The following ELP4 variants were observed in gnomAD, a reference collection of about 807,000 sequenced individuals.
The protein encoded by ELP4 is elongator acetyltransferase complex subunit 4, also known as elongator complex protein 4.
ELP4 carries 51 observed loss-of-function variants against 48.9 expected under a neutral mutation model. The observed-to-expected ratio is 1.04, with a 90% CI of 0.83 to 1.32. The LOEUF (loss-of-function observed/expected upper bound fraction) is 1.32, where lower values mean the gene tolerates loss of function less well. ELP4 is among the 40% of genes most tolerant of loss of function. The pLI, the probability that ELP4 is intolerant of heterozygous loss-of-function variation, is 0.00. For missense variants in ELP4, 519 were observed against 514.6 expected (o/e 1.01, Z -0.08); for synonymous variants, 210 against 189.2 (o/e 1.11, Z -0.90).
chr11:31,517,036 T>C (rs922426406), intron 1 of ELP4, among the ~76,000 whole-genome samples: 7 of 152,226 alleles, frequency 4.6e-5, no homozygotes, highest in African/African-American at 1.7e-4. Context: ...CATATTGTCA[T>C]GAAATTGATG....
chr11:31,597,011 G>A (rs1957680932), intron 4 of ELP4, among the ~76,000 whole-genome samples: 1 of 152,096 alleles, frequency 6.6e-6, no homozygotes, highest in Non-Finnish European at 1.5e-5. Context: ...TATTAGCTAG[G>A]ATGGGGGAAG....
At chr11:31,778,348 G>A (rs1043745452) in intron 9 of ELP4, among the ~76,000 whole-genome samples, 3 of 152,164 alleles carry the variant, frequency 2.0e-5, no homozygotes, top group South Asian at 2.1e-4. Context: ...GTAAGGAGCC[G>A]CAGTAGAGAG....
In ELP4 at chr11:31,741,591, T is replaced by A. The variant is rs188678223; in HGVS notation, c.1144-41802T>A. 1.2e-4 allele frequency among the ~76,000 whole-genome samples: 19 copies of A among 152,210 alleles called. No individual in the cohort carries two copies. In the East Asian group the frequency reaches 3.5e-3, roughly 28 times the overall value. On this transcript the variant is annotated intron_variant, in intron 9 of 9. Coordinates refer to ENST00000640961, the MANE Select transcript of ELP4 (RefSeq NM_019040.5). ...GACAGCAGCATCTGCAGTTCACCAA[T>A]ATCCACTGTTCTGCAGCCACCGCTG...
chr11:31,738,446 CAAA>C (rs1267671701), intron 9 of ELP4, among the ~76,000 whole-genome samples: 1 of 150,674 alleles, frequency 6.6e-6, no homozygotes, highest in Admixed American at 6.6e-5. Context: ...AAATAAAAAA[CAAA>C]AAAGCCAGGC....
At chr11:31,535,519 A>T (rs934509180) in intron 2 of ELP4, among the ~76,000 whole-genome samples, 2 of 151,916 alleles carry the variant, frequency 1.3e-5, no homozygotes, top group African/African-American at 4.8e-5. Flanking sequence ...ATTTTTTATT[A>T]TTTTTTGTAG....
chr11:31,670,946 A>G (rs1377557431), intron 9 of ELP4, among the ~76,000 whole-genome samples: 1 of 152,042 alleles, frequency 6.6e-6, no homozygotes, highest in African/African-American at 2.4e-5. Flanking sequence ...TATGTAATAT[A>G]ATGTGTTTAT....
At chr11:31,653,599 A>G (rs1044888989) in intron 9 of ELP4, 1 of 151,770 alleles carries the variant, frequency 6.6e-6, no homozygotes, top group Non-Finnish European at 1.5e-5. Flanking sequence ...CTTTATATCT[A>G]TCTAAGAATC....
rs908432285 is a variant in ELP4, at chr11:31,651,187, C to T, written c.1143+966C>T. 4.3e-4 allele frequency: 65 copies of T among 151,802 alleles called. 1 individual carries two copies. Among genetic ancestry groups the T allele is most frequent in the African/African-American group, 1.5e-3 (64 of 41,442 alleles). The allele number at this position is 151,802 out of a possible 1,614,324, so 9.4% of individuals were successfully genotyped here. A position where few individuals can be genotyped will look rare whatever the true frequency, so the allele number is the denominator to read the frequency against. On this transcript the variant is annotated intron_variant, in intron 9 of 9. Transcript: ENST00000640961. ...GACCCTCTGCCCTCTTTAAGCTGGC[C>T]ACTTGATAAGGTAACTTAATGGTTC...
chr11:31,657,371 A>T (rs1003902462), intron 9 of ELP4, among the ~76,000 whole-genome samples: 1 of 151,968 alleles, frequency 6.6e-6, no homozygotes, highest in African/African-American at 2.4e-5. Context: ...TACTGTTCGA[A>T]TTCTCAGTGT....
chr11:31,735,916 A>G (rs1168694397), intron 9 of ELP4, among the ~76,000 whole-genome samples: 1 of 152,186 alleles, frequency 6.6e-6, no homozygotes, highest in Non-Finnish European at 1.5e-5. Flanking sequence ...TAATTTATAG[A>G]TTCAATGCCA....
rs533829535 is a variant in ELP4, at chr11:31,720,338, G to A, written c.1144-63055G>A. Among the ~76,000 whole-genome samples, 7 of 151,768 alleles carry A rather than the reference G, an allele frequency of 4.6e-5. No homozygotes were observed. In the South Asian group the frequency reaches 6.3e-4, roughly 14 times the overall value. On this transcript the variant is annotated intron_variant, in intron 9 of 9. Transcript: ENST00000640961. The stretch of plus-strand genomic sequence containing the variant: ...TACTTTCCTTTGACCTCGACAATAT[G>A]TTCCCTGTTTACATTATTCATGGAA...
intron 7 of ELP4, 69 bp from the exon 8 acceptor site, chr11:31,647,672 G>T (rs1272448938): frequency 6.4e-6 from 6 of 934,646 alleles, no homozygotes; most frequent in Non-Finnish European, 8.6e-6. Context: ...GATGGCATAG[G>T]GATATTTTAT....
At chr11:31,683,674 G>C (rs1233532735) in intron 9 of ELP4, among the ~76,000 whole-genome samples, 1 of 152,066 alleles carries the variant, frequency 6.6e-6, no homozygotes, top group Non-Finnish European at 1.5e-5. Flanking sequence ...CTATTTAAAA[G>C]CCTACTGTAT....
chr11:31,573,636 A>G, intron 3 of ELP4: 1 of 152,170 alleles, frequency 6.6e-6, no homozygotes, highest in East Asian at 1.9e-4. Context: ...TAATTAATTA[A>G]TATAATTAAT....
chr11:31,720,800 C>T (rs1946943768), intron 9 of ELP4, among the ~76,000 whole-genome samples: 1 of 152,080 alleles, frequency 6.6e-6, no homozygotes, highest in Admixed American at 6.5e-5. Flanking sequence ...GAGAGGACAC[C>T]AGGGCATAAG....
chr11:31,572,603 T>C (rs532737380), intron 3 of ELP4, among the ~76,000 whole-genome samples: 2 of 152,240 alleles, frequency 1.3e-5, no homozygotes, highest in African/African-American at 4.8e-5. Flanking sequence ...AGATTGTCTA[T>C]CTATCTATCT....
chr11:31,517,812 A>G (rs1249086632), intron 1 of ELP4, among the ~76,000 whole-genome samples: 2 of 151,430 alleles, frequency 1.3e-5, no homozygotes, highest in Non-Finnish European at 2.9e-5. Context: ...TAGAGACTGG[A>G]TTTCACTATG....
At chr11:31,765,946 T>C (rs1948031148) in intron 9 of ELP4, among the ~76,000 whole-genome samples, 2 of 152,232 alleles carry the variant, frequency 1.3e-5, no homozygotes, top group African/African-American at 2.4e-5. Context: ...AAAAGACTTA[T>C]TTCTCTTTTT....
chr11:31,585,339 T>C (rs1023027943), intron 3 of ELP4, among the ~76,000 whole-genome samples: 6 of 151,924 alleles, frequency 3.9e-5, no homozygotes, highest in Admixed American at 2.0e-4. Flanking sequence ...TACCACCTCC[T>C]GAATGGGAAC....
Sources: allele counts gnomAD v4.1 joint callset (sites outside exome capture counted in the v4.1 genomes callset), GRCh38; gene constraint gnomAD v4.1.1; transcripts MANE v1.5; gene names NCBI Gene and HGNC (gene_info 2026-07-23, HGNC 2026-07-21).